GTPBP2: variants seen among roughly 807,000 people sequenced by gnomAD.
GTPBP2 encodes the protein GTP binding protein 2.
Under a neutral mutation model 63.0 loss-of-function variants are expected in GTPBP2, and 32 were observed. The observed-to-expected ratio is 0.51, with a 90% CI of 0.38 to 0.68. GTPBP2 has a LOEUF of 0.68. Ranked by LOEUF, GTPBP2 falls within the 30% of genes least tolerant of loss-of-function variation. GTPBP2 has a pLI of 0.00. For synonymous variants in GTPBP2, 310 were observed against 322.6 expected (o/e 0.96, Z 0.42); for missense variants, 492 against 796.9 (o/e 0.62, Z 4.61).
chr6:43,624,698 G>A lies in GTPBP2; in HGVS notation c.912C>T (p.Ala304=), dbSNP rs746420204. The A allele has an allele frequency of 8.7e-6, 14 of 1,613,914 alleles. No individual in the cohort carries two copies. The highest frequency in any genetic ancestry group is 1.3e-5 in the African/African-American group (1 of 74,912). ...AGTTREHLGL[A]LALKVPFFIV... ...TGAAGAAGGGCACTTTCAGGGCCAGGGCCAGCCCCAGATGTTCCCTTGTGG... is the reference window on the plus strand; with the variant it reads ...TGAAGAAGGGCACTTTCAGGGCCAGAGCCAGCCCCAGATGTTCCCTTGTGG... Residue 304 remains alanine (A), a synonymous_variant, in exon 7 of 12, where the codon GCC becomes GCT. Coordinates refer to ENST00000307126, the MANE Select transcript of GTPBP2 (RefSeq NM_019096.5). The surrounding 1 kb of genome is among the most constrained non-coding windows in gnomAD (Gnocchi z 5.1).
chr6:43,621,599 C>T lies in GTPBP2; in HGVS notation c.*15G>A, dbSNP rs553069348. 3.7e-6 allele frequency: 6 copies of T among 1,614,008 alleles called. No homozygotes were observed. Among genetic ancestry groups the T allele is most frequent in the Non-Finnish European group, 5.1e-6 (6 of 1,179,978 alleles). ...ATTGTAGGGACAGCAATAGAACTGTCCCTGCCTGAAGGGTTCAGAAGCCCA... is the reference window on the plus strand; with the variant it reads ...ATTGTAGGGACAGCAATAGAACTGTTCCTGCCTGAAGGGTTCAGAAGCCCA... On this transcript the variant is annotated 3_prime_UTR_variant, in exon 12 of 12. Transcript: ENST00000307126.
intron 1 of GTPBP2, chr6:43,627,446 C>G: frequency 2.2e-6 from 1 of 455,976 alleles, no homozygotes; most frequent in Non-Finnish European, 2.9e-6. Context: ...GTGAGCTCAG[C>G]AATGGTCACT....
At chr6:43,623,080 G>A (rs1036253211) in intron 9 of GTPBP2, 11 of 439,288 alleles carry the variant, frequency 2.5e-5, no homozygotes, top group Non-Finnish European at 4.5e-5. Context: ...TATCCCCTTG[G>A]GTTTCATTCT....
rs1031624068 is a variant in GTPBP2 at position 43,625,636 on chromosome 6, G to A, written c.508-76C>T. On this transcript the variant is annotated intron_variant, in intron 4 of 11. Coordinates refer to ENST00000307126, the MANE Select transcript of GTPBP2 (RefSeq NM_019096.5). This position sits in a 1 kb window ranked among gnomAD's most constrained non-coding sequence, Gnocchi z 5.1. ...TGAAGACTGGGTCAAGGGCAGTGAC[G>A]CTCCCTAGGGAGCAAGTGATGAACT... 39 of 1,424,102 alleles carry A rather than the reference G, an allele frequency of 2.7e-5. No homozygotes were observed. The highest frequency in any genetic ancestry group is 2.9e-5 in the Non-Finnish European group (29 of 1,008,752). 88.2% of individuals were successfully genotyped at this position (1,424,102 alleles called of 1,614,324 possible).
chr6:43,624,304 C>A lies in GTPBP2; in HGVS notation c.1100+206G>T, dbSNP rs1361483747. 6.6e-6 allele frequency among the ~76,000 whole-genome samples: 1 copy of A among 152,190 alleles called. No individual in the cohort carries two copies. The highest frequency in any genetic ancestry group is 2.4e-5 in the African/African-American group (1 of 41,444). ...TGGTATAGCACTTCATCGCCATGGTCCCAGGCATCAGCAGTGCTCCAGGTT... is the reference window on the plus strand; with the variant it reads ...TGGTATAGCACTTCATCGCCATGGTACCAGGCATCAGCAGTGCTCCAGGTT... On this transcript the variant is annotated intron_variant, in intron 7 of 11. Coordinates refer to ENST00000307126, the MANE Select transcript of GTPBP2 (RefSeq NM_019096.5). The surrounding 1 kb of genome is among the most constrained non-coding windows in gnomAD (Gnocchi z 5.1).
Position 43,626,492 on chromosome 6 carries a change from G to A in GTPBP2, c.214-82C>T. 1 of 1,100,546 alleles carries A rather than the reference G, an allele frequency of 9.1e-7. No individual in the cohort carries two copies. The highest frequency in any genetic ancestry group is 2.4e-5 in the East Asian group (1 of 41,128). 68.2% of individuals were successfully genotyped at this position (1,100,546 alleles called of 1,614,324 possible). On this transcript the variant is annotated intron_variant, in intron 2 of 11. Transcript: ENST00000307126. This position sits in a 1 kb window ranked among gnomAD's most constrained non-coding sequence, Gnocchi z 4.0. ...ATGGTCCCCACCTGTTCTGCTGCAAGGACCAGGACTTTCTCTTTCCACTTA... is the reference window on the plus strand; with the variant it reads ...ATGGTCCCCACCTGTTCTGCTGCAAAGACCAGGACTTTCTCTTTCCACTTA...
In GTPBP2 at chr6:43,621,193, T is replaced by A; in HGVS notation, c.*421A>T. 1.7e-5 allele frequency: 6 copies of A among 352,748 alleles called. No individual in the cohort carries two copies. The highest frequency in any genetic ancestry group is 1.3e-4 in the South Asian group (6 of 46,284). The allele number at this position is 352,748 out of a possible 1,614,324, so 21.9% of individuals were successfully genotyped here. A position where few individuals can be genotyped will look rare whatever the true frequency, so the allele number is the denominator to read the frequency against. On this transcript the variant is annotated 3_prime_UTR_variant, in exon 12 of 12. Coordinates refer to ENST00000307126, the MANE Select transcript of GTPBP2 (RefSeq NM_019096.5). ...TAGAGATGGGCAACTTACATGGCCT[T>A]GAGAAGAGGTATAGAAAAAGGAGTG...
Position 43,622,188 on chromosome 6 carries a change from G to C in GTPBP2, c.1468-21C>G, listed in dbSNP as rs748439079. ...ATGCCCTGGGGAGGAACAGACCCCAGGCCCAGGAAGGGCAGCTCTAACATC... is the reference window on the plus strand; with the variant it reads ...ATGCCCTGGGGAGGAACAGACCCCACGCCCAGGAAGGGCAGCTCTAACATC... On this transcript the variant is annotated intron_variant, in intron 10 of 11. Transcript: ENST00000307126. This position sits in a 1 kb window ranked among gnomAD's most constrained non-coding sequence, Gnocchi z 5.4. 1 of 1,599,116 alleles carries C rather than the reference G, an allele frequency of 6.3e-7. No individual in the cohort carries two copies. Among genetic ancestry groups the C allele is most frequent in the South Asian group, 1.1e-5 (1 of 90,504 alleles).
chr6:43,625,708 G>T lies in GTPBP2; in HGVS notation c.507+48C>A. 2 of 1,484,198 alleles carry T rather than the reference G, an allele frequency of 1.3e-6. No individual in the cohort carries two copies. The highest frequency in any genetic ancestry group is 1.1e-5 in the South Asian group (1 of 88,670). The allele number at this position is 1,484,198 out of a possible 1,614,324, so 91.9% of individuals were successfully genotyped here. ...CCAGGAGACAGCCTGCCACCACAGG[G>T]CCCTTCCACAGTGTGGACATGAGAG... On this transcript the variant is annotated intron_variant, in intron 4 of 11. Coordinates refer to ENST00000307126, the MANE Select transcript of GTPBP2 (RefSeq NM_019096.5). This position sits in a 1 kb window ranked among gnomAD's most constrained non-coding sequence, Gnocchi z 5.1.
Position 43,625,631 on chromosome 6 carries a change from G to T in GTPBP2, c.508-71C>A. On this transcript the variant is annotated intron_variant, in intron 4 of 11. Coordinates refer to ENST00000307126, the MANE Select transcript of GTPBP2 (RefSeq NM_019096.5). This position sits in a 1 kb window ranked among gnomAD's most constrained non-coding sequence, Gnocchi z 5.1. The stretch of plus-strand genomic sequence containing the variant: ...CTAACTGAAGACTGGGTCAAGGGCA[G>T]TGACGCTCCCTAGGGAGCAAGTGAT... The T allele has an allele frequency of 6.9e-7, 1 of 1,443,970 alleles. No individual in the cohort carries two copies. The highest frequency in any genetic ancestry group is 9.7e-7 in the Non-Finnish European group (1 of 1,026,052). The allele number at this position is 1,443,970 out of a possible 1,614,324, so 89.4% of individuals were successfully genotyped here.
chr6:43,622,583 C>T lies in GTPBP2; in HGVS notation c.1467+50G>A, dbSNP rs1768869808. On this transcript the variant is annotated intron_variant, in intron 10 of 11. Transcript: ENST00000307126. This position sits in a 1 kb window ranked among gnomAD's most constrained non-coding sequence, Gnocchi z 5.4. ...TAGGTGCTCATTCAGTAGCCAGTCT[C>T]CTAGGCACTTCTCTTAGCGTTCCCT... The T allele has an allele frequency of 6.5e-7, 1 of 1,544,014 alleles. No individual in the cohort carries two copies. The highest frequency in any genetic ancestry group is 8.9e-7 in the Non-Finnish European group (1 of 1,124,532).
upstream of GTPBP2, among the ~76,000 whole-genome samples, chr6:43,630,260 A>G (rs1283720042): frequency 6.6e-6 from 1 of 152,184 alleles, no homozygotes; most frequent in East Asian, 1.9e-4. Context: ...ACATACATTC[A>G]GCGACATAAG....
At position 43,622,289 on chromosome 6, in the gene GTPBP2, A is replaced by G; in HGVS notation, c.1468-122T>C. On this transcript the variant is annotated intron_variant, in intron 10 of 11. Transcript: ENST00000307126. The surrounding 1 kb of genome is among the most constrained non-coding windows in gnomAD (Gnocchi z 5.4). ...TCTTCCTCTACACAACTCTAAACAC[A>G]AAGACCTCAAAAGACAATAATCAAA... The G allele has an allele frequency of 1.3e-6, 1 of 758,168 alleles. No homozygotes were observed. The highest frequency in any genetic ancestry group is 2.1e-6 in the Non-Finnish European group (1 of 476,360). The allele number at this position is 758,168 out of a possible 1,614,324, so 47.0% of individuals were successfully genotyped here.
rs761717339 is a variant in GTPBP2 at position 43,625,639 on chromosome 6, C to A, written c.508-79G>T. The A allele has an allele frequency of 3.5e-6, 5 of 1,422,968 alleles. No homozygotes were observed. The highest frequency in any genetic ancestry group is 5.0e-6 in the Non-Finnish European group (5 of 1,007,424). 88.1% of individuals were successfully genotyped at this position (1,422,968 alleles called of 1,614,324 possible). ...AGACTGGGTCAAGGGCAGTGACGCT[C>A]CCTAGGGAGCAAGTGATGAACTGGA... On this transcript the variant is annotated intron_variant, in intron 4 of 11. Coordinates refer to ENST00000307126, the MANE Select transcript of GTPBP2 (RefSeq NM_019096.5). The surrounding 1 kb of genome is among the most constrained non-coding windows in gnomAD (Gnocchi z 5.1).
chr6:43,629,907 T>A, upstream of GTPBP2: 1 of 1,144,384 alleles, frequency 8.7e-7, no homozygotes, highest in Non-Finnish European at 1.2e-6. Flanking sequence ...GGGCTGGTTT[T>A]AATAACCGGA....
chr6:43,629,486 G>A (rs990499841), upstream of GTPBP2: 1 of 599,580 alleles, frequency 1.7e-6, no homozygotes, highest in African/African-American at 1.9e-5. Flanking sequence ...AAAGGCTTAA[G>A]GGAGCTGTAG....
rs1582351238 is a variant in GTPBP2, at chr6:43,626,501, C to T, written c.214-91G>A. The T allele has an allele frequency of 2.0e-6, 2 of 998,512 alleles. No individual in the cohort carries two copies. The highest frequency in any genetic ancestry group is 5.0e-5 in the East Asian group (2 of 39,896). The allele number at this position is 998,512 out of a possible 1,614,324, so 61.9% of individuals were successfully genotyped here. ...ACCTGTTCTGCTGCAAGGACCAGGA[C>T]TTTCTCTTTCCACTTAAACTCATAC... On this transcript the variant is annotated intron_variant, in intron 2 of 11. Transcript: ENST00000307126. The surrounding 1 kb of genome is among the most constrained non-coding windows in gnomAD (Gnocchi z 4.0).
At chr6:43,630,177 CAG>C (rs1344376558), upstream of GTPBP2, among the ~76,000 whole-genome samples, 1 of 152,228 alleles carries the variant, frequency 6.6e-6, no homozygotes, top group Non-Finnish European at 1.5e-5. Flanking sequence ...CCTAGGGCCA[CAG>C]GGGATTTTTG....
Position 43,625,568 on chromosome 6 carries a change from T to C in GTPBP2, c.508-8A>G. Reference sequence around the variant, plus strand: ...CACACGGAGGTCTAGGAACTGTGGATGAATTGCCAGAGATAAGAACTCCAA... The same window carrying C: ...CACACGGAGGTCTAGGAACTGTGGACGAATTGCCAGAGATAAGAACTCCAA... On this transcript the variant is annotated splice_polypyrimidine_tract_variant and splice_region_variant and intron_variant, in intron 4 of 11. Coordinates refer to ENST00000307126, the MANE Select transcript of GTPBP2 (RefSeq NM_019096.5). The surrounding 1 kb of genome is among the most constrained non-coding windows in gnomAD (Gnocchi z 5.1). 6.2e-7 allele frequency: 1 copy of C among 1,609,024 alleles called. No homozygotes were observed. Among genetic ancestry groups the C allele is most frequent in the Non-Finnish European group, 8.5e-7 (1 of 1,175,422 alleles).
Sources: allele counts gnomAD v4.1 joint callset (sites outside exome capture counted in the v4.1 genomes callset), GRCh38; gene constraint gnomAD v4.1.1; non-coding constraint Gnocchi (gnomAD v3.1); transcripts MANE v1.5; gene names NCBI Gene and HGNC (gene_info 2026-07-23, HGNC 2026-07-21).